Variants in AGO2 observed in about 807,000 individuals in gnomAD.
AGO2 encodes the protein argonaute RISC catalytic component 2.
AGO2 carries 5 observed loss-of-function variants against 102.3 expected under a neutral mutation model. The observed-to-expected ratio is 0.05, with a 90% CI of 0.03 to 0.10. AGO2 has a LOEUF of 0.10. Among genes scored for constraint, AGO2 ranks in the 10% least tolerant of loss-of-function variants. The pLI is 1.00. For synonymous variants in AGO2, 449 were observed against 473.1 expected (o/e 0.95, Z 0.66); for missense variants, 541 against 1,183.7 (o/e 0.46, Z 7.97).
intron 1 of AGO2, among the ~76,000 whole-genome samples, chr8:140,597,317 A>G (rs535027361): frequency 3.2e-4 from 48 of 152,354 alleles, no homozygotes; most frequent in African/African-American, 1.1e-3. Flanking sequence ...CAGCCTCTCC[A>G]GTGCCAACGC....
At chr8:140,553,593 G>A (rs1013669418) in intron 10 of AGO2, among the ~76,000 whole-genome samples, 1 of 150,760 alleles carries the variant, frequency 6.6e-6, no homozygotes, top group African/African-American at 2.4e-5. Flanking sequence ...ATTTTTAGTA[G>A]AGACGGGATT....
intron 1 of AGO2, among the ~76,000 whole-genome samples, chr8:140,609,722 G>A (rs995364088): frequency 2.0e-5 from 3 of 152,196 alleles, no homozygotes; most frequent in African/African-American, 7.2e-5. Flanking sequence ...AGAAGGCCCA[G>A]CACAGAGCAG....
chr8:140,595,952 A>ATATAATT lies in AGO2; in HGVS notation c.23-10642_23-10641insAATTATA, dbSNP rs1176156210. Among the ~76,000 whole-genome samples the ATATAATT allele has an allele frequency of 4.7e-5, 6 of 127,706 alleles. 1 individual carries two copies. The highest frequency in any genetic ancestry group is 1.8e-4 in the African/African-American group (6 of 33,776). 83.8% of individuals were successfully genotyped at this position (127,706 alleles called of 152,430 possible). ...ATAAATTATATAATATATATTTTAT[A>ATATAATT]TATAATATATATAAATTATATATAT... On this transcript the variant is annotated intron_variant, in intron 1 of 18. Coordinates refer to ENST00000220592, the MANE Select transcript of AGO2 (RefSeq NM_012154.5).
At position 140,557,057 on chromosome 8, in the gene AGO2, C is replaced by A. The variant is rs2132931313; in HGVS notation, c.1026+32G>T. On this transcript the variant is annotated intron_variant, in intron 8 of 18. Transcript: ENST00000220592. This position sits in a 1 kb window ranked among gnomAD's most constrained non-coding sequence, Gnocchi z 5.9. ...AGCCTGGGACGCCGCCCTCCCAAGC[C>A]CCCAGAGACACACAGGAAGAGGGTG... The A allele has an allele frequency of 6.3e-7, 1 of 1,595,954 alleles. No homozygotes were observed.
chr8:140,613,574 G>T (rs2074106878), intron 1 of AGO2, among the ~76,000 whole-genome samples: 1 of 152,160 alleles, frequency 6.6e-6, no homozygotes, highest in East Asian at 1.9e-4. Context: ...TCCAGGAGTG[G>T]ATTGTCATCT....
At chr8:140,571,083 C>T (rs1474036620) in intron 3 of AGO2, among the ~76,000 whole-genome samples, 1 of 152,204 alleles carries the variant, frequency 6.6e-6, no homozygotes, top group Non-Finnish European at 1.5e-5. Flanking sequence ...AAGGGGTGAT[C>T]GTGCTTGACT....
At chr8:140,619,926 G>A (rs78594631) in intron 1 of AGO2, among the ~76,000 whole-genome samples, 32,981 of 152,140 alleles carry the variant, frequency 0.22, 3,848 homozygotes, top group Admixed American at 0.34. Context: ...GTGTACACAC[G>A]CATGCTAGTG....
At chr8:140,565,514 C>T (rs533801588) in intron 3 of AGO2, among the ~76,000 whole-genome samples, 32 of 146,910 alleles carry the variant, frequency 2.2e-4, no homozygotes, top group African/African-American at 6.5e-4. Context: ...TGGTGGTGGG[C>T]GCCTTAATCC....
chr8:140,534,910 G>A (rs1442637526), intron 17 of AGO2, among the ~76,000 whole-genome samples: 3 of 152,160 alleles, frequency 2.0e-5, no homozygotes, highest in Non-Finnish European at 4.4e-5. Context: ...AATCGCCTTG[G>A]GTCAGATGGG....
chr8:140,577,207 CAAAAAAAAAA>C (rs10661844), intron 2 of AGO2, among the ~76,000 whole-genome samples: 1 of 70,752 alleles, frequency 1.4e-5, no homozygotes, highest in Admixed American at 1.7e-4. Flanking sequence ...GACTCCATCT[CAAAAAAAAAA>C]AAAAAAAAAA....
intron 1 of AGO2, among the ~76,000 whole-genome samples, chr8:140,634,921 C>T (rs1465412951): frequency 6.6e-6 from 1 of 152,108 alleles, no homozygotes; most frequent in Non-Finnish European, 1.5e-5. Flanking sequence ...CACAACGGAG[C>T]GCGCCACAGA....
intron 7 of AGO2, 28 bp downstream of exon 7, chr8:140,558,457 A>C: frequency 1.2e-6 from 2 of 1,613,330 alleles, no homozygotes; most frequent in South Asian, 1.1e-5. Context: ...GCCCCAGCCA[A>C]GAGAGTCTGA....
Position 140,522,839 on chromosome 8 carries a change from T to C in AGO2, c.*9205A>G, listed in dbSNP as rs1340144151. ...TGATCTGAACAGTTTACACTCACTC[T>C]GCCTAATATTTTTGCATACTCTGAA... is the stretch of plus-strand genomic sequence containing the variant. On this transcript the variant is annotated 3_prime_UTR_variant, in exon 19 of 19. Coordinates refer to ENST00000220592, the MANE Select transcript of AGO2 (RefSeq NM_012154.5). 1 of 152,196 alleles carries C rather than the reference T, an allele frequency of 6.6e-6. No individual in the cohort carries two copies. The highest frequency in any genetic ancestry group is 1.9e-4 in the East Asian group (1 of 5,200). The allele number at this position is 152,196 out of a possible 1,614,324, so 9.4% of individuals were successfully genotyped here.
At chr8:140,563,221 G>C (rs551271358) in intron 3 of AGO2, among the ~76,000 whole-genome samples, 1 of 152,324 alleles carries the variant, frequency 6.6e-6, no homozygotes, top group South Asian at 2.1e-4. Flanking sequence ...AGTGACCCCA[G>C]CAAGGGAAAA....
the AGO2 span, among the ~76,000 whole-genome samples, chr8:140,641,818 C>G: frequency 6.6e-6 from 1 of 152,180 alleles, no homozygotes; most frequent in Non-Finnish European, 1.5e-5. Context: ...GATCCACCCA[C>G]CTTGGCCTTC....
intron 1 of AGO2, among the ~76,000 whole-genome samples, chr8:140,588,599 A>AGAGGGAGGGAGG (rs1195938541): frequency 1.1e-5 from 1 of 88,292 alleles, no homozygotes; most frequent in Non-Finnish European, 2.1e-5. Context: ...AGGCAGGGAG[A>AGAGGGAGGGAGG]GAGGGAGGGA....
Position 140,539,208 on chromosome 8 carries a change from C to G in AGO2, c.2169+112G>C. The G allele has an allele frequency of 1.4e-6, 2 of 1,456,202 alleles. No individual in the cohort carries two copies. The highest frequency in any genetic ancestry group is 1.8e-6 in the Non-Finnish European group (2 of 1,088,980). 90.2% of individuals were successfully genotyped at this position (1,456,202 alleles called of 1,614,324 possible). The stretch of plus-strand genomic sequence containing the variant: ...AAGCCCCTTAGAGGACAGAGTCACC[C>G]TAGAGCCTGGGACAGCGGCACTGTG... On this transcript the variant is annotated intron_variant, in intron 16 of 18. Transcript: ENST00000220592. The surrounding 1 kb of genome is among the most constrained non-coding windows in gnomAD (Gnocchi z 4.7).
intron 1 of AGO2, among the ~76,000 whole-genome samples, chr8:140,590,150 C>A (rs543922685): frequency 8.5e-5 from 13 of 152,232 alleles, no homozygotes; most frequent in Admixed American, 8.5e-4. Flanking sequence ...CCCACGTTCA[C>A]AGAGACGCGT....
At position 140,552,621 on chromosome 8, in the gene AGO2, G is replaced by A. The variant is rs138347238; in HGVS notation, c.1270-1185C>T. On this transcript the variant is annotated intron_variant, in intron 10 of 18. Coordinates refer to ENST00000220592, the MANE Select transcript of AGO2 (RefSeq NM_012154.5). Reference sequence around the variant, plus strand: ...TTATAACTACTGCCTGTTCCCACCAGCCTCCCTGTGTGCAAGAGTCTCACA... The same window carrying A: ...TTATAACTACTGCCTGTTCCCACCAACCTCCCTGTGTGCAAGAGTCTCACA... 2.8e-4 allele frequency among the ~76,000 whole-genome samples: 43 copies of A among 152,228 alleles called. No homozygotes were observed. In the East Asian group the frequency reaches 7.3e-3, roughly 26 times the overall value.
Sources: gnomAD v4.1 joint callset for allele counts (sites outside exome capture counted in the v4.1 genomes callset) on GRCh38, gnomAD v4.1.1 for gene constraint, Gnocchi (gnomAD v3.1) non-coding constraint, MANE v1.5 for transcripts, NCBI Gene and HGNC (gene_info 2026-07-23, HGNC 2026-07-21) for gene names.